Variants in CTCF observed in about 807,000 individuals in gnomAD.
CTCF encodes CCCTC-binding factor.
CTCF carries 7 observed loss-of-function variants against 72.3 expected under a neutral mutation model. The ratio of observed to expected loss-of-function variants is 0.10; its 90% confidence interval spans 0.06 to 0.18. The LOEUF (loss-of-function observed/expected upper bound fraction) is 0.18. CTCF is among the 10% of genes least tolerant of loss of function. The probability of loss-of-function intolerance (pLI) is 1.00; values close to 1 mark genes in which losing one functional copy is unlikely to be tolerated. For missense variants in CTCF, 516 were observed against 949.1 expected (o/e 0.54, Z 6.00); for synonymous variants, 374 against 315.8 (o/e 1.18, Z -1.95).
chr16:67,616,699 CTG>C, intron 4 of CTCF, 44 bp from the exon 5 acceptor site: 1 of 1,609,996 alleles, frequency 6.2e-7, no homozygotes, highest in Non-Finnish European at 8.5e-7. Context: ...CTGTCATTAA[CTG>C]TGCCCTTGAT....
rs1262659185 is a variant in CTCF, at chr16:67,611,486, C to T, written c.654C>T (p.Gly218=). 8.1e-6 allele frequency: 13 copies of T among 1,613,988 alleles called. No homozygotes were observed. The highest frequency in any genetic ancestry group is 1.1e-5 in the Non-Finnish European group (13 of 1,180,046). The part of the protein sequence containing the change: ...KKSKLRYTEE[G]KDVDVSVYDF... ...GCAAACTGCGTTATACAGAGGAGGG[C>T]AAAGATGTAGATGTGTCTGTCTACG... The change falls in exon 3 of 12, where the codon GGC becomes GGT. Residue 218 remains glycine, a synonymous_variant. Coordinates refer to ENST00000264010, the MANE Select transcript of CTCF (RefSeq NM_006565.4).
intron 8 of CTCF, 85 bp from the exon 9 acceptor site, chr16:67,628,285 C>T (rs1248334538): frequency 4.0e-5 from 50 of 1,254,140 alleles, no homozygotes; most frequent in Non-Finnish European, 5.5e-5. Flanking sequence ...GTGAGAAATA[C>T]CTGTTGGCCA....
intron 10 of CTCF, among the ~76,000 whole-genome samples, chr16:67,634,725 A>G (rs894087701): frequency 4.8e-5 from 7 of 146,246 alleles, no homozygotes; most frequent in Non-Finnish European, 1.0e-4. Flanking sequence ...TTTCCTTGAG[A>G]CGGAATCTCA....
In CTCF at chr16:67,582,844, A is replaced by G. The variant is rs528133125; in HGVS notation, c.-10+11580A>G. Among the ~76,000 whole-genome samples the G allele has an allele frequency of 5.3e-5, 8 of 152,064 alleles. No individual in the cohort carries two copies. The East Asian group carries it at 1.6e-3, about 29-fold the overall frequency. On this transcript the variant is annotated intron_variant, in intron 2 of 11. Transcript: ENST00000264010. ...GTGGTAGATATTTGCTGGTTTAATGACTTACAGATAGGGTGACATAGAGGT... is the reference window on the plus strand; with the variant it reads ...GTGGTAGATATTTGCTGGTTTAATGGCTTACAGATAGGGTGACATAGAGGT...
chr16:67,569,431 G>A (rs1036582190), intron 1 of CTCF, among the ~76,000 whole-genome samples: 6 of 151,900 alleles, frequency 3.9e-5, no homozygotes, highest in African/African-American at 1.5e-4. Context: ...TGATCCGCCC[G>A]CTTTGGCCTC....
chr16:67,604,730 GTTTTT>G, intron 2 of CTCF, among the ~76,000 whole-genome samples: 1 of 123,752 alleles, frequency 8.1e-6, no homozygotes, highest in African/African-American at 3.4e-5. Flanking sequence ...TTTCACCAGG[GTTTTT>G]TTTTTTTTTG....
At chr16:67,599,701 A>G (rs1464936977) in intron 2 of CTCF, among the ~76,000 whole-genome samples, 1 of 152,198 alleles carries the variant, frequency 6.6e-6, no homozygotes, top group East Asian at 1.9e-4. Context: ...AAACACAATA[A>G]GGATCTGGTC....
intron 2 of CTCF, among the ~76,000 whole-genome samples, chr16:67,598,363 A>G (rs1228833378): frequency 6.6e-6 from 1 of 152,170 alleles, no homozygotes; most frequent in Non-Finnish European, 1.5e-5. Context: ...ATGTTTATGT[A>G]TATTTTCCTA....
chr16:67,637,484 A>G (rs2052446561), intron 11 of CTCF, among the ~76,000 whole-genome samples: 1 of 152,194 alleles, frequency 6.6e-6, no homozygotes, highest in Non-Finnish European at 1.5e-5. Flanking sequence ...GTGAGCTGAG[A>G]TCATGCCCGT....
At chr16:67,631,948 G>C (rs376259557) in intron 10 of CTCF, among the ~76,000 whole-genome samples, 1 of 151,780 alleles carries the variant, frequency 6.6e-6, no homozygotes, top group South Asian at 2.1e-4. Context: ...TGTGGCCTGC[G>C]CCTGCGGTCC....
chr16:67,596,570 T>TTTTTA (rs577628357), intron 2 of CTCF, among the ~76,000 whole-genome samples: 8 of 152,008 alleles, frequency 5.3e-5, no homozygotes, highest in South Asian at 4.2e-4. Flanking sequence ...CATAATTTTA[T>TTTTTA]TTTTATTTTA....
chr16:67,584,654 G>A (rs1444883691), intron 2 of CTCF, among the ~76,000 whole-genome samples: 1 of 151,836 alleles, frequency 6.6e-6, no homozygotes, highest in African/African-American at 2.4e-5. Context: ...AAACTGTAAA[G>A]TGGTGATACT....
chr16:67,632,645 G>A (rs1014790165), intron 10 of CTCF, among the ~76,000 whole-genome samples: 16 of 9,490 alleles, frequency 1.7e-3, no homozygotes, highest in Middle Eastern at 0.071. Context: ...GCCTGCTTTT[G>A]TGTGCTTTTC....
intron 2 of CTCF, among the ~76,000 whole-genome samples, chr16:67,580,538 TTTTATTTATTTATGTATTTA>T (rs975274907): frequency 1.3e-5 from 2 of 151,384 alleles, no homozygotes; most frequent in Admixed American, 6.6e-5. Context: ...TTTATTTTTA[TTTTATTTATTTATGTATTTA>T]TTTATTTATT....
At chr16:67,598,919 T>A (rs1183827977) in intron 2 of CTCF, among the ~76,000 whole-genome samples, 1 of 152,108 alleles carries the variant, frequency 6.6e-6, no homozygotes, top group African/African-American at 2.4e-5. Flanking sequence ...GTATTGGGGA[T>A]CAGAAACCAA....
At chr16:67,589,450 C>G (rs1309921629) in intron 2 of CTCF, among the ~76,000 whole-genome samples, 1 of 152,148 alleles carries the variant, frequency 6.6e-6, no homozygotes, top group Non-Finnish European at 1.5e-5. Context: ...GTTTGTCAGG[C>G]AAGGTCCACC....
chr16:67,566,516 A>T lies in CTCF; in HGVS notation c.-127+3792A>T, dbSNP rs75961385. Among the ~76,000 whole-genome samples, 57 of 56,662 alleles carry T rather than the reference A, an allele frequency of 1.0e-3. No homozygotes were observed. The South Asian group carries it at 0.011, about 11-fold the overall frequency. The allele number at this position is 56,662 out of a possible 152,430, so 37.2% of individuals were successfully genotyped here. ...CAGAGTGAGACTTTGTCTCAAAATTAAAAAAAAAAAAAAAAAAAAAAAAAG... is the reference window on the plus strand; with the variant it reads ...CAGAGTGAGACTTTGTCTCAAAATTTAAAAAAAAAAAAAAAAAAAAAAAAG... On this transcript the variant is annotated intron_variant, in intron 1 of 11. Transcript: ENST00000264010.
rs571677130 is a variant in CTCF, at chr16:67,601,810, C to T, written c.-9-9014C>T. ...CTCTTTTGTACCACTTCTTTTTCTA[C>T]CTGGTTTATAATTCTGTGACCTCTT... On this transcript the variant is annotated intron_variant, in intron 2 of 11. Coordinates refer to ENST00000264010, the MANE Select transcript of CTCF (RefSeq NM_006565.4). Among the ~76,000 whole-genome samples, 450 of 151,676 alleles carry T rather than the reference C, an allele frequency of 3.0e-3. 2 individuals are homozygous for T. The highest frequency in any genetic ancestry group is 0.01 in the African/African-American group (428 of 41,352).
At chr16:67,583,868 C>T (rs931685476) in intron 2 of CTCF, among the ~76,000 whole-genome samples, 1 of 152,048 alleles carries the variant, frequency 6.6e-6, no homozygotes, top group Non-Finnish European at 1.5e-5. Context: ...TTGCCTGACA[C>T]AGGGATTCTG....
Sources: allele counts gnomAD v4.1 joint callset (sites outside exome capture counted in the v4.1 genomes callset), GRCh38; gene constraint gnomAD v4.1.1; transcripts MANE v1.5; gene names NCBI Gene and HGNC (gene_info 2026-07-23, HGNC 2026-07-21).